RAD51B: variants seen among roughly 807,000 people sequenced by gnomAD.
RAD51B encodes the protein RAD51 paralog B.
In RAD51B, 38 loss-of-function variants were observed where a neutral mutation model predicts 42.2. The observed-to-expected ratio is 0.90, with a 90% CI of 0.70 to 1.18. The LOEUF (loss-of-function observed/expected upper bound fraction) is 1.18, where lower values mean the gene tolerates loss of function less well. Among genes scored for constraint, RAD51B ranks in the 50% most tolerant of loss-of-function variants. The pLI is 0.00. For missense variants in RAD51B, 373 were observed against 400.7 expected (o/e 0.93, Z 0.59); for synonymous variants, 154 against 145.2 (o/e 1.06, Z -0.43).
At position 68,595,788 on chromosome 14, in the gene RAD51B, A is replaced by T. The variant is rs73284057; in HGVS notation, c.*1185A>T. On this transcript the variant is annotated 3_prime_UTR_variant, in exon 11 of 11. Coordinates refer to the RAD51B transcript ENST00000487270. Reference sequence around the variant, plus strand: ...GGAAAGTGTTCACACCATATTATTAAAGAGAAAAAACAGATTATAAAGCAA... The same window carrying T: ...GGAAAGTGTTCACACCATATTATTATAGAGAAAAAACAGATTATAAAGCAA... 5.9e-3 allele frequency: 2,306 copies of T among 393,774 alleles called. 31 individuals are homozygous for T. The highest frequency in any genetic ancestry group is 0.044 in the African/African-American group (2,150 of 48,366). The allele number at this position is 393,774 out of a possible 1,614,324, so 24.4% of individuals were successfully genotyped here.
chr14:67,840,360 A>G (rs544282705), intron 4 of RAD51B, among the ~76,000 whole-genome samples: 62 of 152,224 alleles, frequency 4.1e-4, no homozygotes, highest in African/African-American at 1.4e-3. Flanking sequence ...TTTAGCTCCC[A>G]CTTATAAGTG....
At chr14:68,541,579 G>A (rs112626269) in intron 10 of RAD51B, 1 of 985,214 alleles carries the variant, frequency 1.0e-6, no homozygotes, top group Non-Finnish European at 1.2e-6. Flanking sequence ...GTATTCCTTG[G>A]GTATGTTTTC....
rs73274166 is a variant in RAD51B, at chr14:68,355,511, G to A, written c.854-55913G>A. Among the ~76,000 whole-genome samples, 1,348 of 152,192 alleles carry A rather than the reference G, an allele frequency of 8.9e-3. 20 individuals are homozygous for A. The highest frequency in any genetic ancestry group is 0.031 in the African/African-American group (1,308 of 41,528). ...TAATAAACTCTTTCTAATATCAGTT[G>A]GCCATGGTTGTCATTCTGGTAAATA... On this transcript the variant is annotated intron_variant, in intron 8 of 10. Transcript: ENST00000471583.
At chr14:68,244,616 A>G (rs1259635843) in intron 7 of RAD51B, among the ~76,000 whole-genome samples, 3 of 152,228 alleles carry the variant, frequency 2.0e-5, no homozygotes, top group Non-Finnish European at 2.9e-5. Context: ...GGGGTTAACA[A>G]CAATTCTTTG....
intron 9 of RAD51B, among the ~76,000 whole-genome samples, chr14:68,414,912 G>C (rs2140092064): frequency 6.9e-6 from 1 of 145,704 alleles, no homozygotes; most frequent in South Asian, 2.2e-4. Flanking sequence ...CATACCTGTA[G>C]TCCCAGCTAC....
At chr14:67,824,063 A>C (rs1433792829) in intron 2 of RAD51B, among the ~76,000 whole-genome samples, 1 of 152,150 alleles carries the variant, frequency 6.6e-6, no homozygotes, top group Non-Finnish European at 1.5e-5. Context: ...TAGCAGGGTA[A>C]ATAAGATTTA....
At chr14:68,371,035 T>TAAA (rs2083244773) in intron 8 of RAD51B, among the ~76,000 whole-genome samples, 1 of 11,526 alleles carries the variant, frequency 8.7e-5, no homozygotes, top group Non-Finnish European at 1.5e-4. Context: ...AGACTCTGTC[T>TAAA]CAAAAAAAAA....
intron 7 of RAD51B, among the ~76,000 whole-genome samples, chr14:68,104,005 C>T (rs985149722): frequency 2.0e-5 from 3 of 152,152 alleles, no homozygotes; most frequent in African/African-American, 7.2e-5. Context: ...AGAACTTACC[C>T]AGTCGCAGGT....
intron 9 of RAD51B, among the ~76,000 whole-genome samples, chr14:68,457,773 A>ATTTT (rs771439291): frequency 3.7e-5 from 4 of 106,764 alleles, no homozygotes; most frequent in Non-Finnish European, 5.7e-5. Context: ...TAATTTTTGT[A>ATTTT]TTTTTTTTTT....
intron 7 of RAD51B, among the ~76,000 whole-genome samples, chr14:68,002,905 G>A (rs1566570549): frequency 6.6e-6 from 1 of 152,116 alleles, no homozygotes; most frequent in East Asian, 1.9e-4. Flanking sequence ...TCTTGTACCA[G>A]TACCATGCTG....
intron 7 of RAD51B, among the ~76,000 whole-genome samples, chr14:68,249,801 T>C (rs2080581342): frequency 6.6e-6 from 1 of 152,204 alleles, no homozygotes; most frequent in Non-Finnish European, 1.5e-5. Flanking sequence ...GTTAGAGATA[T>C]GGGGGTCTTG....
intron 7 of RAD51B, among the ~76,000 whole-genome samples, chr14:68,074,939 G>T (rs917725447): frequency 6.6e-6 from 1 of 152,224 alleles, no homozygotes; most frequent in Non-Finnish European, 1.5e-5. Flanking sequence ...TCAGTGGTCT[G>T]AGAATGTCAG....
At chr14:68,351,918 T>C (rs1285520755) in intron 8 of RAD51B, among the ~76,000 whole-genome samples, 3 of 152,206 alleles carry the variant, frequency 2.0e-5, no homozygotes, top group Admixed American at 2.0e-4. Context: ...AGGAGGCAGA[T>C]GCAATTGTCC....
intron 5 of RAD51B, among the ~76,000 whole-genome samples, chr14:67,879,235 C>G (rs1045463448): frequency 1.3e-5 from 2 of 152,212 alleles, no homozygotes; most frequent in Non-Finnish European, 2.9e-5. Context: ...AGTCTCAGCT[C>G]TGCTGTTAAG....
At chr14:68,541,976 T>C (rs2842333) in intron 10 of RAD51B, 141,725 of 202,640 alleles carry the variant, frequency 0.7, 51,055 homozygotes, top group Non-Finnish European at 0.77. Context: ...ATAGGTACTC[T>C]CAATATACAT....
chr14:68,609,413 C>A (rs1891582605), intron 10 of RAD51B, among the ~76,000 whole-genome samples: 1 of 152,108 alleles, frequency 6.6e-6, no homozygotes, highest in Non-Finnish European at 1.5e-5. Flanking sequence ...CAGGCCTTCC[C>A]ACAGGGCCCC....
chr14:68,677,125 T>C (rs1303825534), intron 11 of RAD51B, among the ~76,000 whole-genome samples: 4 of 152,326 alleles, frequency 2.6e-5, no homozygotes, highest in East Asian at 3.9e-4. Flanking sequence ...TCAAGTCTAC[T>C]GTCCCCTATT....
intron 7 of RAD51B, among the ~76,000 whole-genome samples, chr14:67,930,354 A>G (rs1595124297): frequency 6.9e-6 from 1 of 145,610 alleles, no homozygotes; most frequent in Non-Finnish European, 1.5e-5. Flanking sequence ...TTTTTTTTCC[A>G]CTCCCTTGAG....
intron 8 of RAD51B, among the ~76,000 whole-genome samples, chr14:68,392,431 T>A (rs925572914): frequency 6.6e-6 from 1 of 152,226 alleles, no homozygotes; most frequent in Non-Finnish European, 1.5e-5. Context: ...TCTTCTGTCT[T>A]CCTGCTCCCT....
Sources: allele counts gnomAD v4.1 joint callset (sites outside exome capture counted in the v4.1 genomes callset), GRCh38; gene constraint gnomAD v4.1.1; transcripts MANE v1.5; gene names NCBI Gene and HGNC (gene_info 2026-07-23, HGNC 2026-07-21).